Variants in SCLT1 observed in about 807,000 individuals in gnomAD.
SCLT1 encodes sodium channel-associated protein 1.
SCLT1 carries 78 observed loss-of-function variants against 112.8 expected under a neutral mutation model. That is an observed-to-expected ratio of 0.69 (90% CI 0.58 to 0.83). The LOEUF is 0.83. Ranked by LOEUF, SCLT1 falls within the 40% of genes least tolerant of loss-of-function variation. The pLI is 0.00. For missense variants in SCLT1, 747 were observed against 770.4 expected, an observed-to-expected ratio of 0.97 and a Z score of 0.36; for synonymous variants, 257 against 254.7, an observed-to-expected ratio of 1.01 and a Z score of -0.09.
At chr4:129,061,573 G>A in intron 2 of SCLT1, among the ~76,000 whole-genome samples, 1 of 152,132 alleles carries the variant, frequency 6.6e-6, no homozygotes, top group South Asian at 2.1e-4. Flanking sequence ...TCAAATTGAG[G>A]CATTGAGGAG....
intron 18 of SCLT1, among the ~76,000 whole-genome samples, chr4:128,921,713 A>T (rs1318001413): frequency 6.6e-6 from 1 of 152,210 alleles, no homozygotes; most frequent in Non-Finnish European, 1.5e-5. Flanking sequence ...AACCTAGGGA[A>T]TACCATCTGG....
intron 18 of SCLT1, among the ~76,000 whole-genome samples, chr4:128,904,365 A>G (rs947823487): frequency 6.6e-5 from 10 of 152,178 alleles, no homozygotes; most frequent in African/African-American, 2.4e-4. Flanking sequence ...ATAATTTAGA[A>G]ATATACTTGC....
chr4:128,986,637 G>C (rs1291433462), intron 9 of SCLT1, among the ~76,000 whole-genome samples: 4 of 152,130 alleles, frequency 2.6e-5, no homozygotes, highest in Non-Finnish European at 5.9e-5. Flanking sequence ...CACAGTAAAG[G>C]CACCAAGCAG....
chr4:128,898,591 C>A (rs1220980045), intron 18 of SCLT1, among the ~76,000 whole-genome samples: 1 of 152,090 alleles, frequency 6.6e-6, no homozygotes, highest in African/African-American at 2.4e-5. Context: ...AAAATTGACA[C>A]CCTAACATCA....
chr4:128,901,206 A>G (rs1294940297), intron 18 of SCLT1, among the ~76,000 whole-genome samples: 1 of 152,214 alleles, frequency 6.6e-6, no homozygotes, highest in African/African-American at 2.4e-5. Context: ...ATGCTGCTAT[A>G]AAGACACATG....
chr4:128,893,546 T>C (rs1733487398), intron 18 of SCLT1, among the ~76,000 whole-genome samples: 1 of 146,642 alleles, frequency 6.8e-6, no homozygotes, highest in Non-Finnish European at 1.5e-5. Flanking sequence ...ATATATAAAA[T>C]CTCCATTTTT....
At chr4:128,963,615 T>A (rs756686351) in intron 11 of SCLT1, among the ~76,000 whole-genome samples, 1 of 152,210 alleles carries the variant, frequency 6.6e-6, no homozygotes, top group South Asian at 2.1e-4. Context: ...TCCTGTTCAA[T>A]AGGCATAAAA....
At position 129,076,472 on chromosome 4, in the gene SCLT1, T is replaced by G. The variant is rs188815286; in HGVS notation, c.102+5834A>C. ...AATTTTGGGTACAAAGGGTAATGAG[T>G]AGAAAAAGAATTCCCAAGCTAGAAG... On this transcript the variant is annotated intron_variant, in intron 2 of 20. Coordinates refer to ENST00000281142, the MANE Select transcript of SCLT1 (RefSeq NM_144643.4). 5.5e-4 allele frequency among the ~76,000 whole-genome samples: 83 copies of G among 152,076 alleles called. 2 individuals are homozygous for G. In the East Asian group the frequency reaches 0.013, roughly 24 times the overall value.
intron 9 of SCLT1, among the ~76,000 whole-genome samples, chr4:128,973,575 ACCTAGATCTTGCAC>A (rs1467039625): frequency 1.3e-5 from 2 of 152,138 alleles, no homozygotes; most frequent in Non-Finnish European, 2.9e-5. Context: ...TTGATATTTT[ACCTAGATCTTGCAC>A]ACCCAATTTA....
At chr4:128,949,429 G>A (rs1302096587) in intron 14 of SCLT1, among the ~76,000 whole-genome samples, 1 of 151,820 alleles carries the variant, frequency 6.6e-6, no homozygotes, top group Admixed American at 6.6e-5. Flanking sequence ...TGCACAACGT[G>A]AAGGTTTGTT....
At chr4:128,881,689 C>G (rs1490805141), downstream of SCLT1, among the ~76,000 whole-genome samples, 1 of 152,066 alleles carries the variant, frequency 6.6e-6, no homozygotes, top group African/African-American at 2.4e-5. Context: ...CTCATTTCTC[C>G]TGTATAGTAA....
chr4:129,041,957 G>C (rs1284050667), intron 4 of SCLT1: 1 of 152,122 alleles, frequency 6.6e-6, no homozygotes, highest in Non-Finnish European at 1.5e-5. Context: ...ATGTTGGCCA[G>C]GCTGGTCTTG....
intron 2 of SCLT1, among the ~76,000 whole-genome samples, chr4:129,048,777 T>C (rs2125707360): frequency 6.6e-6 from 1 of 151,906 alleles, no homozygotes; most frequent in East Asian, 1.9e-4. Flanking sequence ...TCAAACAAAT[T>C]TACAAGAAAA....
intron 8 of SCLT1, among the ~76,000 whole-genome samples, chr4:128,997,048 T>A (rs905317559): frequency 6.6e-6 from 1 of 152,050 alleles, no homozygotes; most frequent in African/African-American, 2.4e-5. Context: ...TCTGGAGTAC[T>A]AGTATTTTAA....
At chr4:129,034,869 A>G (rs946777512) in intron 5 of SCLT1, among the ~76,000 whole-genome samples, 1 of 152,168 alleles carries the variant, frequency 6.6e-6, no homozygotes, top group Non-Finnish European at 1.5e-5. Flanking sequence ...TTATTTATAA[A>G]AAGATGTGGC....
chr4:129,020,225 C>A (rs1745344015), intron 5 of SCLT1, among the ~76,000 whole-genome samples: 1 of 152,128 alleles, frequency 6.6e-6, no homozygotes, highest in African/African-American at 2.4e-5. Flanking sequence ...AAATTTTACC[C>A]ACTCATTTAA....
At chr4:128,937,441 CTATT>C (rs1170457932) in intron 17 of SCLT1, among the ~76,000 whole-genome samples, 1 of 152,090 alleles carries the variant, frequency 6.6e-6, no homozygotes, top group Non-Finnish European at 1.5e-5. Context: ...AAAGAAAAGT[CTATT>C]TATTATAACA....
chr4:129,067,347 A>T (rs1340813599), intron 2 of SCLT1, among the ~76,000 whole-genome samples: 1 of 151,930 alleles, frequency 6.6e-6, no homozygotes, highest in Non-Finnish European at 1.5e-5. Flanking sequence ...ATATGTTCAC[A>T]TGGTTCCAGG....
intron 2 of SCLT1, among the ~76,000 whole-genome samples, chr4:129,064,241 A>G (rs1173574161): frequency 2.0e-5 from 3 of 152,166 alleles, no homozygotes; most frequent in Non-Finnish European, 4.4e-5. Flanking sequence ...AGTCATATAT[A>G]TGGTTTGCAA....
Sources: gnomAD v4.1 joint callset for allele counts (sites outside exome capture counted in the v4.1 genomes callset) on GRCh38, gnomAD v4.1.1 for gene constraint, MANE v1.5 for transcripts, NCBI Gene and HGNC (gene_info 2026-07-23, HGNC 2026-07-21) for gene names.